UBE2H: variants seen among roughly 807,000 people sequenced by gnomAD.
UBE2H encodes the protein ubiquitin conjugating enzyme E2 H, also known as ubiquitin-conjugating enzyme E2 H.
Under a neutral mutation model 29.0 loss-of-function variants are expected in UBE2H, and 3 were observed. The ratio of observed to expected loss-of-function variants is 0.10; its 90% CI spans 0.05 to 0.27. The LOEUF (loss-of-function observed/expected upper bound fraction) is 0.27, where lower values mean the gene tolerates loss of function less well. UBE2H is among the 10% of genes least tolerant of loss of function. The probability of loss-of-function intolerance (pLI) is 1.00; values close to 1 mark genes in which losing one functional copy is unlikely to be tolerated. For missense variants in UBE2H, 68 were observed against 228.2 expected, an observed-to-expected ratio of 0.30 and a Z score of 4.52; for synonymous variants, 69 against 82.9, an observed-to-expected ratio of 0.83 and a Z score of 0.91.
intron 4 of UBE2H, 148 bp downstream of exon 4, chr7:129,858,754 C>G: frequency 1.4e-6 from 1 of 703,584 alleles, no homozygotes; most frequent in Non-Finnish European, 2.4e-6. Flanking sequence ...ACCTCATATC[C>G]TTTGGATTCT....
At chr7:129,916,056 GCT>G (rs1168573511) in intron 1 of UBE2H, among the ~76,000 whole-genome samples, 1 of 152,160 alleles carries the variant, frequency 6.6e-6, no homozygotes, top group Admixed American at 6.5e-5. Flanking sequence ...ATCTTAGAAA[GCT>G]CTCTCAGATG....
chr7:129,931,320 G>A (rs148480899), intron 1 of UBE2H, among the ~76,000 whole-genome samples: 85 of 151,638 alleles, frequency 5.6e-4, no homozygotes, highest in African/African-American at 1.8e-3. Flanking sequence ...CCCAGGAGGC[G>A]GAGGTTGCAG....
intron 3 of UBE2H, chr7:129,865,213 A>G (rs1281929453): frequency 3.4e-6 from 1 of 296,424 alleles, no homozygotes; most frequent in Non-Finnish European, 6.8e-6. Flanking sequence ...AAATCTCATG[A>G]CCCATAGGCT....
chr7:129,867,781 T>A (rs1805943978), intron 3 of UBE2H, among the ~76,000 whole-genome samples: 2 of 93,856 alleles, frequency 2.1e-5, no homozygotes, highest in African/African-American at 4.0e-5. Flanking sequence ...AAAAATTAGA[T>A]TAAAAAAAAA....
intron 5 of UBE2H, among the ~76,000 whole-genome samples, chr7:129,845,619 A>G (rs528728737): frequency 1.3e-5 from 2 of 152,350 alleles, no homozygotes; most frequent in East Asian, 3.9e-4. Context: ...GAGAATGGGT[A>G]TTAGAGGATG....
At chr7:129,873,023 T>G (rs995228163) in intron 3 of UBE2H, among the ~76,000 whole-genome samples, 2 of 149,954 alleles carry the variant, frequency 1.3e-5, no homozygotes, top group Non-Finnish European at 3.0e-5. Flanking sequence ...GCTCAGAGTT[T>G]TTTTTTTTTT....
intron 3 of UBE2H, among the ~76,000 whole-genome samples, chr7:129,863,262 GC>G (rs1317516141): frequency 6.6e-6 from 1 of 152,212 alleles, no homozygotes; most frequent in Non-Finnish European, 1.5e-5. Flanking sequence ...AGTCTCCAGT[GC>G]CCCTGCTAAG....
At position 129,834,774 on chromosome 7, in the gene UBE2H, T is replaced by G; in HGVS notation, c.*163A>C. ...CTCAGGTTGAGAAATGACCAAGAAATCAAGATCTAAAGGGTGATATATAAT... is the reference window on the plus strand; with the variant it reads ...CTCAGGTTGAGAAATGACCAAGAAAGCAAGATCTAAAGGGTGATATATAAT... On this transcript the variant is annotated 3_prime_UTR_variant, in exon 7 of 7. Transcript: ENST00000355621. The G allele has an allele frequency of 1.2e-6, 1 of 836,216 alleles. No homozygotes were observed. The highest frequency in any genetic ancestry group is 1.7e-6 in the Non-Finnish European group (1 of 578,286). The allele number at this position is 836,216 out of a possible 1,614,324, so 51.8% of individuals were successfully genotyped here.
At chr7:129,845,653 T>C (rs946847783) in intron 5 of UBE2H, among the ~76,000 whole-genome samples, 1 of 152,160 alleles carries the variant, frequency 6.6e-6, no homozygotes, top group Non-Finnish European at 1.5e-5. Flanking sequence ...CCTAACACAA[T>C]GTGGACATCT....
chr7:129,860,244 A>C lies in UBE2H; in HGVS notation c.206-1303T>G, dbSNP rs553403850. On this transcript the variant is annotated intron_variant, in intron 3 of 6. Coordinates refer to ENST00000355621, the MANE Select transcript of UBE2H (RefSeq NM_003344.4). Reference sequence around the variant, plus strand: ...GACCACTCTAGTCACTCACACTTTTAACTTTTGTTTTTAAATGCTCTGTGT... The same window carrying C: ...GACCACTCTAGTCACTCACACTTTTCACTTTTGTTTTTAAATGCTCTGTGT... 5.9e-5 allele frequency among the ~76,000 whole-genome samples: 9 copies of C among 152,278 alleles called. No individual in the cohort carries two copies. In the South Asian group the frequency reaches 1.9e-3, roughly 32 times the overall value.
chr7:129,907,110 A>G (rs1225022886), intron 1 of UBE2H, among the ~76,000 whole-genome samples: 1 of 147,510 alleles, frequency 6.8e-6, no homozygotes, highest in African/African-American at 2.5e-5. Context: ...TATCATCATC[A>G]AAAGCCATTT....
chr7:129,935,338 G>C (rs538721997), intron 1 of UBE2H, among the ~76,000 whole-genome samples: 2 of 150,358 alleles, frequency 1.3e-5, no homozygotes, highest in Admixed American at 1.3e-4. Flanking sequence ...GCTTGAACCC[G>C]AGAGGCGAGG....
intron 5 of UBE2H, among the ~76,000 whole-genome samples, chr7:129,849,590 A>G (rs990297948): frequency 6.6e-6 from 1 of 152,118 alleles, no homozygotes; most frequent in Non-Finnish European, 1.5e-5. Context: ...ATAAAATAAA[A>G]TAAAATAATA....
At chr7:129,941,805 A>G (rs1371000852) in intron 1 of UBE2H, among the ~76,000 whole-genome samples, 1 of 152,166 alleles carries the variant, frequency 6.6e-6, no homozygotes, top group East Asian at 1.9e-4. Flanking sequence ...ATCAGAAAGA[A>G]TGTAACAACA....
At chr7:129,901,681 G>C (rs1008683252) in intron 1 of UBE2H, among the ~76,000 whole-genome samples, 3 of 152,000 alleles carry the variant, frequency 2.0e-5, no homozygotes, top group Non-Finnish European at 4.4e-5. Context: ...TGCAACCTCT[G>C]CCTCCCGGGT....
chr7:129,888,504 T>G (rs903721102), intron 1 of UBE2H, among the ~76,000 whole-genome samples: 13 of 151,902 alleles, frequency 8.6e-5, no homozygotes, highest in Admixed American at 2.6e-4. Flanking sequence ...AGACGGAGTC[T>G]CACTCTGTCG....
chr7:129,892,680 T>C (rs889577263), intron 1 of UBE2H, among the ~76,000 whole-genome samples: 1 of 152,168 alleles, frequency 6.6e-6, no homozygotes, highest in African/African-American at 2.4e-5. Flanking sequence ...AAATTTCCCA[T>C]ACTGTTATGC....
intron 5 of UBE2H, among the ~76,000 whole-genome samples, chr7:129,848,611 C>T (rs1563021183): frequency 6.6e-6 from 1 of 152,190 alleles, no homozygotes; most frequent in Non-Finnish European, 1.5e-5. Context: ...GGGAATTTCA[C>T]CCAAGTTATT....
chr7:129,951,081 G>T (rs765891644), intron 1 of UBE2H, among the ~76,000 whole-genome samples: 1 of 152,112 alleles, frequency 6.6e-6, no homozygotes, highest in Admixed American at 6.5e-5. Context: ...TTTCTGAAAA[G>T]ATTATTTTTT....
Sources: allele counts gnomAD v4.1 joint callset (sites outside exome capture counted in the v4.1 genomes callset), GRCh38; gene constraint gnomAD v4.1.1; transcripts MANE v1.5; gene names NCBI Gene and HGNC (gene_info 2026-07-23, HGNC 2026-07-21).